GRM8: variants seen among roughly 807,000 people sequenced by gnomAD.
GRM8 encodes the protein glutamate metabotropic receptor 8.
GRM8 carries 47 observed loss-of-function variants against 87.2 expected under a neutral mutation model. The observed-to-expected ratio is 0.54, with a 90% CI of 0.43 to 0.69. The LOEUF is 0.69. Ranked by LOEUF, GRM8 falls within the 30% of genes least tolerant of loss-of-function variation. The probability of loss-of-function intolerance (pLI) is 0.00; values close to 1 mark genes in which losing one functional copy is unlikely to be tolerated. For missense variants in GRM8, 1,019 were observed against 1,139.2 expected, an observed-to-expected ratio of 0.89 and a Z score of 1.52; for synonymous variants, 396 against 404.5, an observed-to-expected ratio of 0.98 and a Z score of 0.25.
intron 7 of GRM8, among the ~76,000 whole-genome samples, chr7:126,705,421 G>A (rs2151411429): frequency 6.6e-6 from 1 of 152,206 alleles, no homozygotes; most frequent in Admixed American, 6.5e-5. Context: ...ACATTGAAAA[G>A]TAGCTATGTA....
intron 6 of GRM8, among the ~76,000 whole-genome samples, chr7:126,837,158 G>A (rs971701194): frequency 1.3e-5 from 2 of 151,990 alleles, no homozygotes; most frequent in Non-Finnish European, 2.9e-5. Flanking sequence ...ATCCAGAAAG[G>A]CCTCACATTT....
intron 7 of GRM8, among the ~76,000 whole-genome samples, chr7:126,753,328 T>C (rs10254445): frequency 0.39 from 58,375 of 151,402 alleles, 12,551 homozygotes; most frequent in Non-Finnish European, 0.48. Context: ...ACACTCTTAG[T>C]TGCTCTACTA....
chr7:127,135,866 T>C (rs1827921558), intron 2 of GRM8, among the ~76,000 whole-genome samples: 1 of 152,156 alleles, frequency 6.6e-6, no homozygotes, highest in Non-Finnish European at 1.5e-5. Context: ...TAGATAGTAA[T>C]TTCTAAAAAT....
chr7:126,706,128 C>T (rs1810487084), intron 7 of GRM8, among the ~76,000 whole-genome samples: 1 of 152,036 alleles, frequency 6.6e-6, no homozygotes, highest in South Asian at 2.1e-4. Context: ...GAATTTTTCT[C>T]TTTGTTTCAA....
intron 2 of GRM8, among the ~76,000 whole-genome samples, chr7:127,147,716 T>C (rs1828628863): frequency 6.6e-6 from 1 of 152,114 alleles, no homozygotes; most frequent in Non-Finnish European, 1.5e-5. Context: ...ATTTTGCTGT[T>C]TTCTCCTTTC....
At chr7:126,596,788 T>C (rs886957413) in intron 8 of GRM8, among the ~76,000 whole-genome samples, 1 of 152,144 alleles carries the variant, frequency 6.6e-6, no homozygotes, top group Non-Finnish European at 1.5e-5. Flanking sequence ...ATAAGATTGA[T>C]AGATTATATA....
intron 7 of GRM8, among the ~76,000 whole-genome samples, chr7:126,694,038 G>A (rs781539781): frequency 6.6e-6 from 1 of 151,478 alleles, no homozygotes; most frequent in Non-Finnish European, 1.5e-5. Context: ...CGTATTAAAC[G>A]TTTCTCTTAT....
intron 8 of GRM8, among the ~76,000 whole-genome samples, chr7:126,608,875 T>C (rs1394832622): frequency 6.6e-6 from 1 of 151,512 alleles, no homozygotes; most frequent in Non-Finnish European, 1.5e-5. Context: ...GCCATTCTCC[T>C]GCCTCAGCCT....
intron 10 of GRM8, among the ~76,000 whole-genome samples, chr7:126,442,784 A>C (rs1335610415): frequency 6.6e-6 from 1 of 152,024 alleles, no homozygotes; most frequent in East Asian, 1.9e-4. Flanking sequence ...AGAAAATGGT[A>C]GAATTCTATT....
intron 7 of GRM8, among the ~76,000 whole-genome samples, chr7:126,711,070 G>A (rs1461507999): frequency 3.9e-5 from 6 of 152,206 alleles, no homozygotes; most frequent in Non-Finnish European, 7.3e-5. Flanking sequence ...AGCTACTCAG[G>A]AGGCTGAGGC....
At chr7:126,966,748 C>A (rs1272465273) in intron 3 of GRM8, among the ~76,000 whole-genome samples, 1 of 151,966 alleles carries the variant, frequency 6.6e-6, no homozygotes, top group Non-Finnish European at 1.5e-5. Context: ...ACAACTGGGC[C>A]AACAGAAATA....
rs1802492636 is a variant in GRM8, at chr7:126,904,618, T to G, written c.793A>C (p.Ile265Leu). Reference protein sequence around the residue: ...REPRPGEFEKIIKRLLETPNA... With the variant: ...REPRPGEFEKLIKRLLETPNA... ...GGTGTTTCTAGCAGGCGTTTGATAA[T>G]TTTTTCAAATTCTCCAGGTCTTGGT... is the stretch of plus-strand genomic sequence containing the variant. Residue 265 changes from isoleucine to leucine, a missense_variant, in exon 4 of 11, where the codon ATT becomes CTT. Physicochemically the swap from Ile to Leu is conservative, Grantham distance 5. Transcript: ENST00000339582. 1 of 1,613,716 alleles carries G rather than the reference T, an allele frequency of 6.2e-7. No individual in the cohort carries two copies. Among genetic ancestry groups the G allele is most frequent in the Non-Finnish European group, 8.5e-7 (1 of 1,179,672 alleles).
At chr7:126,988,131 T>C (rs1369117960) in intron 3 of GRM8, among the ~76,000 whole-genome samples, 2 of 151,774 alleles carry the variant, frequency 1.3e-5, no homozygotes, top group African/African-American at 4.8e-5. Flanking sequence ...AAGTCAGGAA[T>C]ATATATCAAG....
intron 3 of GRM8, chr7:127,058,076 T>C (rs1283536215): frequency 2.1e-6 from 1 of 471,752 alleles, no homozygotes; most frequent in Non-Finnish European, 4.4e-6. Context: ...TGGAATCACG[T>C]CTTTAACTGG....
intron 3 of GRM8, among the ~76,000 whole-genome samples, chr7:126,975,157 C>A (rs1204593): frequency 0.38 from 57,760 of 151,770 alleles, 11,312 homozygotes; most frequent in East Asian, 0.66. Context: ...AGAGCACCCA[C>A]CCTCTAAACT....
At chr7:127,148,888 G>A (rs2402855) in intron 2 of GRM8, among the ~76,000 whole-genome samples, 1 of 151,878 alleles carries the variant, frequency 6.6e-6, no homozygotes, top group Admixed American at 6.6e-5. Context: ...TTTCCACATG[G>A]AAAAGAATGA....
Position 127,184,895 on chromosome 7 carries a change from T to C in GRM8, c.510+57800A>G, listed in dbSNP as rs182268311. ...TACATTTGCAATGGCACCCCAAAAA[T>C]GAAATACTTAGGTATAAAGTCTCAG... is the stretch of plus-strand genomic sequence containing the variant. On this transcript the variant is annotated intron_variant, in intron 2 of 10. Transcript: ENST00000339582. Among the ~76,000 whole-genome samples the C allele has an allele frequency of 3.9e-5, 6 of 152,026 alleles. No individual in the cohort carries two copies. In the East Asian group the frequency reaches 7.7e-4, roughly 20 times the overall value.
rs560354097 is a variant in GRM8 at position 126,821,915 on chromosome 7, C to G, written c.1157-51850G>C. ...TGATTTCTCCTTAGTCTCCTATAAT[C>G]CATAGCAATTCCTTTCTCTTTCCCA... is the stretch of plus-strand genomic sequence containing the variant. On this transcript the variant is annotated intron_variant, in intron 6 of 10. Coordinates refer to ENST00000339582, the MANE Select transcript of GRM8 (RefSeq NM_000845.3). Among the ~76,000 whole-genome samples the G allele has an allele frequency of 5.4e-4, 83 of 152,298 alleles. 1 individual carries two copies. Among genetic ancestry groups the G allele is most frequent in the African/African-American group, 1.9e-3 (77 of 41,566 alleles).
intron 3 of GRM8, among the ~76,000 whole-genome samples, chr7:127,102,323 A>G (rs1825363294): frequency 6.6e-6 from 1 of 152,262 alleles, no homozygotes; most frequent in African/African-American, 2.4e-5. Context: ...GCTGTGGAGC[A>G]ACCACTTGCT....
Sources: gnomAD v4.1 joint callset for allele counts (sites outside exome capture counted in the v4.1 genomes callset) on GRCh38, gnomAD v4.1.1 for gene constraint, MANE v1.5 for transcripts, NCBI Gene and HGNC (gene_info 2026-07-23, HGNC 2026-07-21) for gene names.